The following XG variants were observed in gnomAD, a reference collection of about 807,000 sequenced individuals.
XG encodes Xg glycoprotein (Xg blood group).
In XG, 24 loss-of-function variants were observed where a neutral mutation model predicts 25.7. The observed-to-expected ratio is 0.93, with a 90% CI of 0.68 to 1.31. XG has a LOEUF of 1.31. Among genes scored for constraint, XG ranks in the 40% most tolerant of loss-of-function variants. The probability of loss-of-function intolerance (pLI) is 0.00; values close to 1 mark genes in which losing one functional copy is unlikely to be tolerated. For synonymous variants in XG, 77 were observed against 69.2 expected, an observed-to-expected ratio of 1.11 and a Z score of -0.56; for missense variants, 181 against 187.6, an observed-to-expected ratio of 0.96 and a Z score of 0.21.
At chrX:2,767,283 C>T (rs774075419) in intron 1 of XG, among the ~76,000 whole-genome samples, 2 of 152,134 alleles carry the variant, frequency 1.3e-5, no homozygotes, top group South Asian at 2.1e-4. Flanking sequence ...GGCTTTGCTC[C>T]GAAGGGTCCC....
intron 1 of XG, among the ~76,000 whole-genome samples, chrX:2,753,519 G>A (rs752317320): frequency 3.9e-5 from 6 of 152,078 alleles, no homozygotes; most frequent in South Asian, 4.2e-4. Flanking sequence ...ACTTTACAAC[G>A]GTGTAAAATT....
chrX:2,810,814 G>T (rs1358258661), intron 9 of XG, among the ~76,000 whole-genome samples: 2 of 111,232 alleles, frequency 1.8e-5, no homozygotes, highest in Non-Finnish European at 3.8e-5. Context: ...TATTCGGGAG[G>T]CTGAGGCAGG....
chrX:2,790,405 C>A (rs2086825418), intron 5 of XG, among the ~76,000 whole-genome samples: 1 of 107,933 alleles, frequency 9.3e-6, no homozygotes, highest in African/African-American at 3.4e-5. Context: ...GAGGATGAAG[C>A]AGGAGAATCG....
intron 9 of XG, chrX:2,808,590 C>G (rs2087025929): frequency 1.3e-6 from 1 of 751,460 alleles, no homozygotes; most frequent in Admixed American, 8.6e-5. Context: ...TATGAACACT[C>G]TGCCCAAAGA....
At chrX:2,783,848 G>A (rs752884125) in intron 4 of XG, among the ~76,000 whole-genome samples, 3 of 112,083 alleles carry the variant, frequency 2.7e-5, no homozygotes, top group South Asian at 3.7e-4. Flanking sequence ...GGTGGCATGC[G>A]CCTATAATCC....
intron 3 of XG, among the ~76,000 whole-genome samples, chrX:2,780,412 T>TC: frequency 7.5e-6 from 1 of 133,910 alleles, no homozygotes. Flanking sequence ...AATTGGGCTT[T>TC]TTTTTTTTTT....
intron 7 of XG, among the ~76,000 whole-genome samples, chrX:2,801,260 CAT>C (rs892068635): frequency 7.3e-5 from 8 of 110,311 alleles, no homozygotes; most frequent in African/African-American, 2.6e-4. Context: ...GACACAGACA[CAT>C]GTGGTTGGGT....
intron 10 of XG, among the ~76,000 whole-genome samples, chrX:2,811,848 G>A (rs1321473707): frequency 4.5e-5 from 5 of 111,371 alleles, no homozygotes; most frequent in Admixed American, 9.6e-5. Flanking sequence ...TGCCCGCCTT[G>A]GCCTCCCAAA....
At chrX:2,760,535 A>C (rs1218111292) in intron 1 of XG, among the ~76,000 whole-genome samples, 1 of 150,580 alleles carries the variant, frequency 6.6e-6, no homozygotes, top group Non-Finnish European at 1.5e-5. Context: ...GGAGATGGAG[A>C]TCATCCTGGC....
chrX:2,789,465 T>TAGG (rs376300685), intron 4 of XG, among the ~76,000 whole-genome samples, 179 bp from the exon 5 acceptor site: 3 of 112,155 alleles, frequency 2.7e-5, no homozygotes, highest in Non-Finnish European at 5.6e-5. Context: ...GGTGTAAGTT[T>TAGG]TTGTTTTTTC....
At chrX:2,759,024 C>G (rs28586602) in intron 1 of XG, among the ~76,000 whole-genome samples, 1 of 46,410 alleles carries the variant, frequency 2.2e-5, no homozygotes, top group African/African-American at 7.1e-5. Context: ...ATCTATGTAT[C>G]TATCTATGTA....
rs111621764 is a variant in XG, at chrX:2,801,881, C to G, written c.373+4521C>G. ...CCGCCACCACGCCTGGCAATTTTTTCTATTTTTAGTAGAGACGGGGTTTCA... is the reference window on the plus strand; with the variant it reads ...CCGCCACCACGCCTGGCAATTTTTTGTATTTTTAGTAGAGACGGGGTTTCA... On this transcript the variant is annotated intron_variant, in intron 7 of 10. Coordinates refer to ENST00000644266, the MANE Select transcript of XG (RefSeq NM_001141919.2). Among the ~76,000 whole-genome samples the G allele has an allele frequency of 1.0e-3, 115 of 109,670 alleles. 1 individual carries two copies. The highest frequency in any genetic ancestry group is 1.8e-3 in the Non-Finnish European group (95 of 52,478).
At chrX:2,794,481 G>A in intron 5 of XG, 54 bp from the exon 6 acceptor site, 3 of 1,179,009 alleles carry the variant, frequency 2.5e-6, no homozygotes, top group Non-Finnish European at 3.4e-6. Context: ...GACCTGGTGT[G>A]AAGGGGACCT....
chrX:2,795,493 A>G (rs1184007893), intron 6 of XG, among the ~76,000 whole-genome samples: 1 of 91,918 alleles, frequency 1.1e-5, no homozygotes, highest in African/African-American at 6.1e-5. Context: ...ATATGTGTAT[A>G]TCTTTATATG....
chrX:2,804,792 A>G (rs1569045877), intron 7 of XG, among the ~76,000 whole-genome samples: 1 of 111,257 alleles, frequency 9.0e-6, no homozygotes, highest in East Asian at 2.8e-4. Context: ...TCCCGAATGG[A>G]TCAAAGCTTA....
intron 3 of XG, among the ~76,000 whole-genome samples, chrX:2,780,474 C>G (rs756704369): frequency 3.4e-5 from 5 of 147,134 alleles, no homozygotes; most frequent in African/African-American, 1.3e-4. Context: ...TCACACCTGT[C>G]ATCCCGGCAC....
At chrX:2,780,602 C>A (rs1005310492) in intron 3 of XG, among the ~76,000 whole-genome samples, 4 of 151,540 alleles carry the variant, frequency 2.6e-5, no homozygotes, top group African/African-American at 9.7e-5. Context: ...GTGGTGTGTG[C>A]CTGAGGCTGT....
chrX:2,776,808 C>T (rs1274518503), intron 3 of XG, among the ~76,000 whole-genome samples: 3 of 152,142 alleles, frequency 2.0e-5, no homozygotes, highest in Non-Finnish European at 4.4e-5. Context: ...AGATCTCCCA[C>T]TGCACTCCAG....
chrX:2,785,495 G>A (rs2086775101), intron 4 of XG, among the ~76,000 whole-genome samples: 1 of 111,344 alleles, frequency 9.0e-6, no homozygotes, highest in African/African-American at 3.3e-5. Context: ...AAAGAAAATG[G>A]GAGGCAGATC....
Sources: allele counts gnomAD v4.1 joint callset (sites outside exome capture counted in the v4.1 genomes callset), GRCh38; gene constraint gnomAD v4.1.1; transcripts MANE v1.5; gene names NCBI Gene and HGNC (gene_info 2026-07-23, HGNC 2026-07-21).